DPP6: variants seen among roughly 807,000 people sequenced by gnomAD.
DPP6 encodes the protein A-type potassium channel modulatory protein DPP6.
In DPP6, 69 loss-of-function variants were observed where a neutral mutation model predicts 122.6. The observed-to-expected ratio is 0.56, with a 90% confidence interval of 0.46 to 0.69. The LOEUF (loss-of-function observed/expected upper bound fraction) is 0.69. DPP6 is among the 30% of genes least tolerant of loss of function. The probability of loss-of-function intolerance (pLI) is 0.00; values close to 1 mark genes in which losing one functional copy is unlikely to be tolerated. For missense variants in DPP6, 928 were observed against 1,116.9 expected (o/e 0.83, Z 2.41); for synonymous variants, 418 against 433.1 (o/e 0.97, Z 0.43).
At chr7:153,805,811 T>TACATCATG in the DPP6 span, among the ~76,000 whole-genome samples, 1 of 151,852 alleles carries the variant, frequency 6.6e-6, no homozygotes, top group African/African-American at 2.4e-5. Flanking sequence ...ATGAGAACAC[T>TACATCATG]TGGACACAGG....
At chr7:154,796,911 T>C (rs530688404) in intron 12 of DPP6, among the ~76,000 whole-genome samples, 1 of 152,328 alleles carries the variant, frequency 6.6e-6, no homozygotes, top group East Asian at 1.9e-4. Context: ...ACAAGAGGAA[T>C]GGTTCCACAT....
At chr7:154,590,818 G>A (rs1206303705) in intron 5 of DPP6, among the ~76,000 whole-genome samples, 1 of 151,888 alleles carries the variant, frequency 6.6e-6, no homozygotes, top group Non-Finnish European at 1.5e-5. Context: ...ACAGGCATGA[G>A]CCACCACGCC....
intron 5 of DPP6, among the ~76,000 whole-genome samples, chr7:154,631,056 GGTCCA>G (rs1290282301): frequency 6.6e-6 from 1 of 152,188 alleles, no homozygotes; most frequent in African/African-American, 2.4e-5. Flanking sequence ...CATGTGGAAA[GGTCCA>G]GCCCAAGCTA....
chr7:154,385,342 G>A (rs768896517), intron 1 of DPP6, among the ~76,000 whole-genome samples: 9 of 152,076 alleles, frequency 5.9e-5, no homozygotes, highest in Non-Finnish European at 1.0e-4. Flanking sequence ...TCCGCCACCC[G>A]TGGGGTTGTG....
chr7:154,644,596 T>C (rs2130956112), intron 6 of DPP6, among the ~76,000 whole-genome samples: 1 of 152,206 alleles, frequency 6.6e-6, no homozygotes, highest in South Asian at 2.1e-4. Flanking sequence ...GCTTTGGCTG[T>C]GCAGAGCAAG....
intron 1 of DPP6, among the ~76,000 whole-genome samples, chr7:154,415,248 A>T (rs1816926989): frequency 6.6e-6 from 1 of 152,208 alleles, no homozygotes; most frequent in Non-Finnish European, 1.5e-5. Context: ...GTGACACTCT[A>T]GATAAATCAC....
chr7:154,133,719 T>C (rs1178970427), intron 1 of DPP6, among the ~76,000 whole-genome samples: 1 of 151,868 alleles, frequency 6.6e-6, no homozygotes, highest in Non-Finnish European at 1.5e-5. Context: ...CCACTGTATC[T>C]GGGACAGAGT....
chr7:154,504,846 C>T (rs1409599981), intron 3 of DPP6, among the ~76,000 whole-genome samples: 57 of 149,642 alleles, frequency 3.8e-4, no homozygotes, highest in Non-Finnish European at 1.3e-4. Flanking sequence ...GTTTTTGAAA[C>T]TTGTCGTTTG....
chr7:154,485,110 C>G (rs181737132), intron 3 of DPP6, among the ~76,000 whole-genome samples: 9 of 152,032 alleles, frequency 5.9e-5, no homozygotes, highest in Admixed American at 2.6e-4. Flanking sequence ...AAAGTCCCCT[C>G]GAGGGCACTT....
In DPP6 at chr7:154,893,025, T is replaced by C. The variant is rs753604427; in HGVS notation, c.*545T>C. On this transcript the variant is annotated 3_prime_UTR_variant, in exon 26 of 26. Transcript: ENST00000377770. The stretch of plus-strand genomic sequence containing the variant: ...TGGTGAGGGGCTACAAGAAAACGCT[T>C]TTCTGTACAGAGTCTTACTGTAGCT... 2.0e-6 allele frequency: 1 copy of C among 491,278 alleles called. No homozygotes were observed. The highest frequency in any genetic ancestry group is 4.1e-6 in the Non-Finnish European group (1 of 243,834). The allele number at this position is 491,278 out of a possible 1,614,324, so 30.4% of individuals were successfully genotyped here.
intron 1 of DPP6, among the ~76,000 whole-genome samples, chr7:153,975,232 T>A (rs1235165057): frequency 3.1e-5 from 2 of 63,854 alleles, no homozygotes; most frequent in African/African-American, 5.8e-5. Context: ...AAAGCAAGAA[T>A]TCTTAGTTTA....
chr7:154,309,954 C>G (rs749407260), intron 1 of DPP6, among the ~76,000 whole-genome samples: 1 of 152,150 alleles, frequency 6.6e-6, no homozygotes, highest in African/African-American at 2.4e-5. Context: ...AAAAAGAAAA[C>G]TTGAAGGAAC....
intron 1 of DPP6, among the ~76,000 whole-genome samples, chr7:154,352,754 G>A (rs1421409235): frequency 6.6e-6 from 1 of 152,124 alleles, no homozygotes; most frequent in East Asian, 1.9e-4. Flanking sequence ...ATGATGGGTT[G>A]ACAGGTGCAG....
intron 1 of DPP6, among the ~76,000 whole-genome samples, chr7:154,194,452 A>G (rs1798766145): frequency 6.6e-6 from 1 of 152,194 alleles, no homozygotes; most frequent in African/African-American, 2.4e-5. Flanking sequence ...TGGTGTATGT[A>G]TACATCCAGA....
chr7:154,861,330 A>G (rs180733282), intron 17 of DPP6, among the ~76,000 whole-genome samples: 124 of 152,346 alleles, frequency 8.1e-4, no homozygotes, highest in African/African-American at 2.8e-3. Flanking sequence ...GCTGTACAAA[A>G]TAAGTTTTTA....
At chr7:153,920,563 C>CTTTGTTTTTTTT (rs1800589000) in intron 1 of DPP6, among the ~76,000 whole-genome samples, 1 of 88,690 alleles carries the variant, frequency 1.1e-5, no homozygotes, top group African/African-American at 4.6e-5. Context: ...TTATCTCTCT[C>CTTTGTTTTTTTT]TTTTTTTTTT....
chr7:154,507,871 A>G (rs1368680233), intron 3 of DPP6, among the ~76,000 whole-genome samples: 1 of 152,316 alleles, frequency 6.6e-6, no homozygotes, highest in East Asian at 1.9e-4. Context: ...CTTGGGTTCA[A>G]TTATTCCTTT....
At chr7:154,884,143 C>A (rs530648183) in intron 21 of DPP6, 13 of 150,832 alleles carry the variant, frequency 8.6e-5, no homozygotes, top group African/African-American at 3.2e-4. Flanking sequence ...CATGCTCACA[C>A]ACACATGCTC....
chr7:154,893,196 C>G lies in DPP6; in HGVS notation c.*716C>G. 3.8e-6 allele frequency: 1 copy of G among 265,210 alleles called. No homozygotes were observed. Among genetic ancestry groups the G allele is most frequent in the South Asian group, 2.9e-5 (1 of 34,250 alleles). 16.4% of individuals were successfully genotyped at this position (265,210 alleles called of 1,614,324 possible). A position where few individuals can be genotyped will look rare whatever the true frequency, so the allele number is the denominator to read the frequency against. On this transcript the variant is annotated 3_prime_UTR_variant, in exon 26 of 26. Coordinates refer to ENST00000377770, the MANE Select transcript of DPP6 (RefSeq NM_130797.4). ...TTCTCCAGTCCACGTGTAGACTTTGCGCTTGATGAAGAAGCAGATCGGAAG... is the reference window on the plus strand; with the variant it reads ...TTCTCCAGTCCACGTGTAGACTTTGGGCTTGATGAAGAAGCAGATCGGAAG...
Sources: allele counts gnomAD v4.1 joint callset (sites outside exome capture counted in the v4.1 genomes callset), GRCh38; gene constraint gnomAD v4.1.1; transcripts MANE v1.5; gene names NCBI Gene and HGNC (gene_info 2026-07-23, HGNC 2026-07-21).